SYNE1: variants seen among roughly 807,000 people sequenced by gnomAD.
The protein encoded by SYNE1 is nesprin-1.
Under a neutral mutation model 1,111.0 loss-of-function variants are expected in SYNE1, and 616 were observed. The observed-to-expected ratio is 0.55, with a 90% CI of 0.52 to 0.59. The LOEUF is 0.59. Ranked by LOEUF, SYNE1 falls within the 20% of genes least tolerant of loss-of-function variation. The pLI is 0.00. For missense variants in SYNE1, 10,006 were observed against 10,417.0 expected (o/e 0.96, Z 1.72); for synonymous variants, 3,855 against 3,825.8 (o/e 1.01, Z -0.28).
intron 140 of SYNE1, 36 bp from the exon 141 acceptor site, chr6:152,136,854 A>G (rs2057201488): frequency 6.2e-7 from 1 of 1,600,884 alleles, no homozygotes. Flanking sequence ...AACAAGGACA[A>G]TAATGACAAA....
At chr6:152,275,345 C>G (rs2093534268) in intron 98 of SYNE1, among the ~76,000 whole-genome samples, 1 of 151,462 alleles carries the variant, frequency 6.6e-6, no homozygotes, top group Admixed American at 6.6e-5. Context: ...AATCTTTGAT[C>G]CACCTGTGAT....
In SYNE1 at chr6:152,442,176, C is replaced by T; in HGVS notation, c.3907G>A (p.Glu1303Lys). 1 of 1,613,800 alleles carries T rather than the reference C, an allele frequency of 6.2e-7. No individual in the cohort carries two copies. The highest frequency in any genetic ancestry group is 8.5e-7 in the Non-Finnish European group (1 of 1,180,054). Residue 1303 changes from glutamate to lysine, a missense_variant, in exon 31 of 146, where the codon GAA becomes AAA. Glu to Lys is a moderately conservative substitution (Grantham distance 56). Transcript: ENST00000367255. ...QQQIAQAQQG[E>K]GGLPDRGHEE... ...TGGCCTCGGTCAGGCAGCCCCCCTT[C>T]TCCCTGCTGCGCCTGCGCGATCTGC...
At chr6:152,417,452 T>C (rs1175243535) in intron 40 of SYNE1, among the ~76,000 whole-genome samples, 1 of 151,990 alleles carries the variant, frequency 6.6e-6, no homozygotes, top group Non-Finnish European at 1.5e-5. Flanking sequence ...GAGCCAAGAT[T>C]GCACCACTGC....
intron 12 of SYNE1, among the ~76,000 whole-genome samples, chr6:152,488,094 G>A (rs2098950981): frequency 6.8e-6 from 1 of 146,164 alleles, no homozygotes; most frequent in Admixed American, 6.8e-5. Flanking sequence ...AAAAAATCAT[G>A]AGTTCTATAA....
At chr6:152,209,945 C>G (rs964582058) in intron 124 of SYNE1, among the ~76,000 whole-genome samples, 6 of 152,044 alleles carry the variant, frequency 3.9e-5, no homozygotes, top group African/African-American at 9.7e-5. Flanking sequence ...TTGAGAATAT[C>G]GTATAATCTT....
At chr6:152,430,762 C>G in intron 34 of SYNE1, 53 bp from the exon 35 acceptor site, 1 of 1,485,354 alleles carries the variant, frequency 6.7e-7, no homozygotes, top group Non-Finnish European at 9.4e-7. Flanking sequence ...GCTTGCCTTC[C>G]TGAAATGATA....
At chr6:152,355,435 A>G (rs1258686671) in intron 66 of SYNE1, among the ~76,000 whole-genome samples, 1 of 152,220 alleles carries the variant, frequency 6.6e-6, no homozygotes, top group African/African-American at 2.4e-5. Context: ...CTTTTGCCAA[A>G]GCTGTACTCT....
chr6:152,506,944 T>C (rs2154334186), intron 8 of SYNE1, among the ~76,000 whole-genome samples: 1 of 152,298 alleles, frequency 6.6e-6, no homozygotes, highest in Middle Eastern at 3.4e-3. Flanking sequence ...TGTACACTGT[T>C]TGCATAAAAT....
chr6:152,618,869 A>G (rs1469214737), intron 3 of SYNE1, among the ~76,000 whole-genome samples: 1 of 152,222 alleles, frequency 6.6e-6, no homozygotes, highest in African/African-American at 2.4e-5. Flanking sequence ...TATCCTCAGC[A>G]TTATGGGAAG....
At chr6:152,431,974 G>A (rs1777167334) in intron 34 of SYNE1, among the ~76,000 whole-genome samples, 1 of 152,124 alleles carries the variant, frequency 6.6e-6, no homozygotes. Flanking sequence ...CTAGTTGCTT[G>A]TAACACATCG....
At chr6:152,401,538 TAGAA>T (rs2154151559) in intron 46 of SYNE1, among the ~76,000 whole-genome samples, 197 bp from the exon 47 acceptor site, 1 of 152,088 alleles carries the variant, frequency 6.6e-6, no homozygotes, top group East Asian at 1.9e-4. Context: ...GATGGGCAAA[TAGAA>T]AGAGGAAGGA....
intron 51 of SYNE1, among the ~76,000 whole-genome samples, chr6:152,395,162 A>G (rs544143491): frequency 1.3e-5 from 2 of 151,424 alleles, no homozygotes; most frequent in East Asian, 3.9e-4. Flanking sequence ...GCTTCACATT[A>G]TGTTAATTGA....
At chr6:152,186,521 A>T (rs1190163041) in intron 128 of SYNE1, among the ~76,000 whole-genome samples, 1 of 134,576 alleles carries the variant, frequency 7.4e-6, no homozygotes, top group Non-Finnish European at 1.5e-5. Flanking sequence ...ACACCATTGC[A>T]CTCCAGCCTG....
At chr6:152,596,098 TA>T (rs71017542) in intron 3 of SYNE1, among the ~76,000 whole-genome samples, 406 of 18,572 alleles carry the variant, frequency 0.022, 4 homozygotes, top group Non-Finnish European at 0.025. Context: ...AAGGGCAATC[TA>T]AAAAAAAAAA....
chr6:152,214,326 C>T (rs964096436), intron 122 of SYNE1, among the ~76,000 whole-genome samples: 1 of 151,994 alleles, frequency 6.6e-6, no homozygotes, highest in African/African-American at 2.4e-5. Context: ...GATTAAAGTG[C>T]TATTTAGTAC....
At chr6:152,592,294 A>G (rs898170198) in intron 3 of SYNE1, among the ~76,000 whole-genome samples, 7 of 152,178 alleles carry the variant, frequency 4.6e-5, no homozygotes, top group African/African-American at 1.7e-4. Flanking sequence ...ATTCACAATA[A>G]CAGAGACATG....
intron 14 of SYNE1, among the ~76,000 whole-genome samples, chr6:152,477,171 G>GA (rs957798841): frequency 2.6e-5 from 4 of 151,700 alleles, no homozygotes; most frequent in East Asian, 1.9e-4. Flanking sequence ...AGACAACAGT[G>GA]AAAAAAAATC....
At chr6:152,557,290 G>A (rs1000287680) in intron 3 of SYNE1, among the ~76,000 whole-genome samples, 1 of 152,068 alleles carries the variant, frequency 6.6e-6, no homozygotes, top group African/African-American at 2.4e-5. Flanking sequence ...AGGATGAAAA[G>A]GGGAGAAGAA....
At chr6:152,555,509 T>C (rs1266041649) in intron 3 of SYNE1, among the ~76,000 whole-genome samples, 1 of 152,158 alleles carries the variant, frequency 6.6e-6, no homozygotes. Context: ...CTTGTGTAAG[T>C]ACCCTCTATG....
Sources: gnomAD v4.1 joint callset for allele counts (sites outside exome capture counted in the v4.1 genomes callset) on GRCh38, gnomAD v4.1.1 for gene constraint, MANE v1.5 for transcripts, NCBI Gene and HGNC (gene_info 2026-07-23, HGNC 2026-07-21) for gene names.